Variants in DOK5 observed in about 807,000 individuals in gnomAD.
DOK5 encodes the protein downstream of tyrosine kinase 5.
DOK5 carries 27 observed loss-of-function variants against 43.3 expected under a neutral mutation model. The ratio of observed to expected loss-of-function variants is 0.62; its 90% CI spans 0.46 to 0.86. The LOEUF is 0.86. Ranked by LOEUF, DOK5 falls within the 40% of genes least tolerant of loss-of-function variation. The pLI, the probability that DOK5 is intolerant of heterozygous loss-of-function variation, is 0.00. For missense variants in DOK5, 373 were observed against 392.9 expected (o/e 0.95, Z 0.43); for synonymous variants, 146 against 140.1 (o/e 1.04, Z -0.30).
intron 7 of DOK5, among the ~76,000 whole-genome samples, chr20:54,645,962 T>C (rs1282866253): frequency 8.3e-6 from 1 of 120,080 alleles, no homozygotes; most frequent in African/African-American, 3.5e-5. Context: ...AAAAAGATAC[T>C]GAGTGCCTCT....
At chr20:54,503,394 G>T (rs1281648411) in intron 1 of DOK5, among the ~76,000 whole-genome samples, 1 of 152,114 alleles carries the variant, frequency 6.6e-6, no homozygotes, top group African/African-American at 2.4e-5. Flanking sequence ...TCACAAAGTG[G>T]ACCTGGCCTT....
chr20:54,571,710 G>A (rs1264828116), intron 2 of DOK5, among the ~76,000 whole-genome samples: 3 of 152,178 alleles, frequency 2.0e-5, no homozygotes, highest in African/African-American at 7.2e-5. Context: ...AAATATGACT[G>A]TTCCATTTGC....
chr20:54,484,356 G>A (rs942076294), intron 1 of DOK5, among the ~76,000 whole-genome samples: 6 of 149,408 alleles, frequency 4.0e-5, no homozygotes, highest in Non-Finnish European at 8.8e-5. Context: ...TCCAGCCTGG[G>A]GAAAAAGAGC....
intron 1 of DOK5, among the ~76,000 whole-genome samples, chr20:54,497,523 C>A (rs557053435): frequency 6.6e-6 from 1 of 152,280 alleles, no homozygotes; most frequent in South Asian, 2.1e-4. Context: ...AAAACATCAT[C>A]CACTAATGAG....
intron 2 of DOK5, among the ~76,000 whole-genome samples, chr20:54,583,985 C>CA (rs56957710): frequency 1.3e-3 from 158 of 124,904 alleles, no homozygotes; most frequent in South Asian, 2.9e-3. Context: ...ACTAAAAATA[C>CA]AAAAAAAAAA....
At chr20:54,495,263 A>G (rs1475676408) in intron 1 of DOK5, 2 of 152,178 alleles carry the variant, frequency 1.3e-5, no homozygotes, top group African/African-American at 4.8e-5. Context: ...GCCTTAAAGA[A>G]ATGTTACTTT....
chr20:54,531,882 ACAG>A (rs1196167994), intron 1 of DOK5, among the ~76,000 whole-genome samples: 1 of 152,220 alleles, frequency 6.6e-6, no homozygotes, highest in East Asian at 1.9e-4. Flanking sequence ...CATAGAATTT[ACAG>A]TCTAAAGAGA....
intron 1 of DOK5, among the ~76,000 whole-genome samples, chr20:54,482,656 T>C (rs1981765681): frequency 6.6e-6 from 1 of 152,050 alleles, no homozygotes; most frequent in East Asian, 1.9e-4. Context: ...GTCACCACAG[T>C]TGGCTAATTT....
At position 54,553,595 on chromosome 20, in the gene DOK5, AT is replaced by A. The variant is rs748623213; in HGVS notation, c.67-1336del. Among the ~76,000 whole-genome samples, 15 of 149,666 alleles carry A rather than the reference AT, an allele frequency of 1.0e-4. No homozygotes were observed. In the East Asian group the frequency reaches 1.4e-3, roughly 14 times the overall value. On this transcript the variant is annotated intron_variant, in intron 1 of 7. Coordinates refer to ENST00000262593, the MANE Select transcript of DOK5 (RefSeq NM_018431.5). ...CAGACATTTGCCATCAGTAACTATT[AT>A]TATTAAATTATACTCATTTGCTGGG... is the stretch of plus-strand genomic sequence containing the variant.
chr20:54,637,611 TGTTA>T (rs1388810401), intron 6 of DOK5, among the ~76,000 whole-genome samples: 2 of 152,242 alleles, frequency 1.3e-5, no homozygotes, highest in Non-Finnish European at 2.9e-5. Flanking sequence ...GTCACAGCCA[TGTTA>T]ATTTAACCGG....
chr20:54,501,323 T>C (rs980688581), intron 1 of DOK5, among the ~76,000 whole-genome samples: 18 of 151,418 alleles, frequency 1.2e-4, no homozygotes, highest in African/African-American at 3.1e-4. Context: ...AAAAATTAGC[T>C]GGGCGTGGTG....
chr20:54,559,021 C>T (rs570275184), intron 2 of DOK5, among the ~76,000 whole-genome samples: 22 of 152,260 alleles, frequency 1.4e-4, no homozygotes, highest in African/African-American at 4.8e-4. Context: ...CTCAAGCACC[C>T]ATAGCTGTCA....
intron 1 of DOK5, among the ~76,000 whole-genome samples, chr20:54,504,314 C>T (rs1245099013): frequency 6.6e-6 from 1 of 152,152 alleles, no homozygotes; most frequent in Admixed American, 6.5e-5. Context: ...TTTAACTGAG[C>T]TGATATAATA....
chr20:54,542,576 G>A (rs1254740796), intron 1 of DOK5, among the ~76,000 whole-genome samples: 1 of 152,180 alleles, frequency 6.6e-6, no homozygotes, highest in Non-Finnish European at 1.5e-5. Flanking sequence ...CCTGTGTGTG[G>A]CAAGAATGCT....
At chr20:54,496,506 G>A (rs539441391) in intron 1 of DOK5, among the ~76,000 whole-genome samples, 4 of 152,292 alleles carry the variant, frequency 2.6e-5, no homozygotes, top group African/African-American at 9.6e-5. Context: ...GGTGGCTCAT[G>A]CCTGTAATCC....
chr20:54,554,436 TA>T (rs1295297038), intron 1 of DOK5, among the ~76,000 whole-genome samples: 1 of 152,180 alleles, frequency 6.6e-6, no homozygotes, highest in African/African-American at 2.4e-5. Context: ...TGGTTGGTGT[TA>T]ATCAGCCAAT....
chr20:54,646,666 C>T (rs1425573161), intron 7 of DOK5, among the ~76,000 whole-genome samples: 4 of 152,074 alleles, frequency 2.6e-5, no homozygotes, highest in African/African-American at 7.2e-5. Context: ...TAAACAAGTA[C>T]ATTTAAAAAA....
At chr20:54,562,018 G>A (rs950664141) in intron 2 of DOK5, among the ~76,000 whole-genome samples, 2 of 152,220 alleles carry the variant, frequency 1.3e-5, no homozygotes, top group African/African-American at 4.8e-5. Flanking sequence ...AGCTATTAGA[G>A]ATGTAGTAAA....
chr20:54,592,337 G>A (rs1350657440), intron 5 of DOK5, among the ~76,000 whole-genome samples: 1 of 152,072 alleles, frequency 6.6e-6, no homozygotes, highest in Non-Finnish European at 1.5e-5. Context: ...TGCTCTTTGT[G>A]ATACCGACTA....
Sources: allele counts gnomAD v4.1 joint callset (sites outside exome capture counted in the v4.1 genomes callset), GRCh38; gene constraint gnomAD v4.1.1; transcripts MANE v1.5; gene names NCBI Gene and HGNC (gene_info 2026-07-23, HGNC 2026-07-21).